The following RASD2 variants were observed in gnomAD, a reference collection of about 807,000 sequenced individuals.
RASD2 encodes the protein RASD family member 2, also known as GTP-binding protein Rhes.
A neutral mutation model predicts 15.8 loss-of-function variants in RASD2; 7 were observed. The ratio of observed to expected loss-of-function variants is 0.44; its 90% CI spans 0.25 to 0.83. The LOEUF (loss-of-function observed/expected upper bound fraction) is 0.83. Among genes scored for constraint, RASD2 ranks in the 40% least tolerant of loss-of-function variants. The pLI is 0.20. For missense variants in RASD2, 274 were observed against 382.8 expected, an observed-to-expected ratio of 0.72 and a Z score of 2.37; for synonymous variants, 155 against 153.6, an observed-to-expected ratio of 1.01 and a Z score of -0.07.
chr22:35,533,705 G>C, the RASD2 span, among the ~76,000 whole-genome samples: 3 of 16,022 alleles, frequency 1.9e-4, 1 homozygote, highest in South Asian at 4.7e-3. Flanking sequence ...TGATGATGGT[G>C]ATGATGGTGA....
At chr22:35,533,219 G>GC in the RASD2 span, among the ~76,000 whole-genome samples, 1 of 152,220 alleles carries the variant, frequency 6.6e-6, no homozygotes, top group Non-Finnish European at 1.5e-5. Context: ...AACCTTTGCT[G>GC]CTTCAGCTTC....
At chr22:35,543,634 C>T (rs747089895) in intron 1 of RASD2, among the ~76,000 whole-genome samples, 10 of 152,220 alleles carry the variant, frequency 6.6e-5, no homozygotes, top group Non-Finnish European at 1.3e-4. Flanking sequence ...GGCACTGTCC[C>T]CTGGCGTCCA....
chr22:35,540,336 G>C (rs1350604539), upstream of RASD2, among the ~76,000 whole-genome samples: 1 of 150,728 alleles, frequency 6.6e-6, no homozygotes, highest in South Asian at 2.1e-4. Flanking sequence ...AGCGGCCCCG[G>C]CCCCACGCGC....
chr22:35,545,251 C>T (rs116541712), intron 1 of RASD2, among the ~76,000 whole-genome samples: 1,636 of 152,272 alleles, frequency 0.011, 33 homozygotes, highest in African/African-American at 0.037. Context: ...GGCAATCTCT[C>T]CACCTCCAGT....
At position 35,541,382 on chromosome 22, in the gene RASD2, G is replaced by C. The variant is rs1362145712; in HGVS notation, c.-128G>C. On this transcript the variant is annotated 5_prime_UTR_variant, in exon 1 of 3. Transcript: ENST00000216127. ...GGGGAGGATCCCCGCGCAGTGACCCGGGAGCCACCACAGACTCTGGGAGGC... is the reference window on the plus strand; with the variant it reads ...GGGGAGGATCCCCGCGCAGTGACCCCGGAGCCACCACAGACTCTGGGAGGC... 1 of 152,390 alleles carries C rather than the reference G, an allele frequency of 6.6e-6. No individual in the cohort carries two copies. The highest frequency in any genetic ancestry group is 2.1e-4 in the South Asian group (1 of 4,832). 9.4% of individuals were successfully genotyped at this position (152,390 alleles called of 1,614,324 possible).
Position 35,552,655 on chromosome 22 carries a change from G to GCCCAC in RASD2, c.*625_*629dup, listed in dbSNP as rs1301355492. On this transcript the variant is annotated 3_prime_UTR_variant, in exon 3 of 3. Transcript: ENST00000216127. ...AGACCACGCCCACCACTTAGACCAC[G>GCCCAC]CCCACCTCCTGACCGCGTTCCTCAG... is the stretch of plus-strand genomic sequence containing the variant. 7 of 153,030 alleles carry GCCCAC rather than the reference G, an allele frequency of 4.6e-5. No individual in the cohort carries two copies. Among genetic ancestry groups the GCCCAC allele is most frequent in the Non-Finnish European group, 1.0e-4 (7 of 68,468 alleles). 9.5% of individuals were successfully genotyped at this position (153,030 alleles called of 1,614,324 possible). A position where few individuals can be genotyped will look rare whatever the true frequency, so the allele number is the denominator to read the frequency against.
Position 35,553,665 on chromosome 22 carries a change from C to T in RASD2, c.*1633C>T, listed in dbSNP as rs1416471029. 1 of 152,198 alleles carries T rather than the reference C, an allele frequency of 6.6e-6. No homozygotes were observed. The highest frequency in any genetic ancestry group is 1.5e-5 in the Non-Finnish European group (1 of 68,072). 9.4% of individuals were successfully genotyped at this position (152,198 alleles called of 1,614,324 possible). On this transcript the variant is annotated 3_prime_UTR_variant, in exon 3 of 3. Coordinates refer to ENST00000216127, the MANE Select transcript of RASD2 (RefSeq NM_014310.4). ...GCTTTGGGACATCTTGTCCTCAACC[C>T]TCTCCCTAGATCAGTCTGTGAGGGT...
upstream of RASD2, among the ~76,000 whole-genome samples, chr22:35,540,530 G>C (rs901091481): frequency 6.6e-6 from 1 of 151,362 alleles, no homozygotes; most frequent in South Asian, 2.1e-4. Flanking sequence ...CGCGGCTCGC[G>C]GGGGGCCGAA....
intron 1 of RASD2, among the ~76,000 whole-genome samples, chr22:35,542,971 T>A (rs1472051239): frequency 1.3e-5 from 2 of 152,150 alleles, no homozygotes; most frequent in Non-Finnish European, 2.9e-5. Flanking sequence ...AGCTGAGGCT[T>A]CACTGAGACA....
chr22:35,546,558 G>A (rs1380036611), intron 1 of RASD2, among the ~76,000 whole-genome samples: 4 of 152,176 alleles, frequency 2.6e-5, no homozygotes, highest in East Asian at 1.9e-4. Context: ...CCAGGAGTCC[G>A]GTGCTTGCAT....
chr22:35,534,364 GCT>G, the RASD2 span, among the ~76,000 whole-genome samples: 1 of 152,218 alleles, frequency 6.6e-6, no homozygotes, highest in African/African-American at 2.4e-5. Context: ...CTTAGTTCAA[GCT>G]CTGTTATTTC....
In RASD2 at chr22:35,551,976, G is replaced by T. The variant is rs1479820964; in HGVS notation, c.745G>T (p.Ala249Ser). The change falls in exon 3 of 3, where the codon GCC becomes TCC. Residue 249 changes from alanine (A) to serine (S), a missense_variant. Transcript: ENST00000216127. The surrounding 1 kb of genome is among the most constrained non-coding windows in gnomAD (Gnocchi z 4.9). ...CAACAGTGACCTCAAGTACATCAAGGCCAAGGTCCTTCGGGAAGGCCAGGC... is the reference window on the plus strand; with the variant it reads ...CAACAGTGACCTCAAGTACATCAAGTCCAAGGTCCTTCGGGAAGGCCAGGC... ...SVNSDLKYIK[A>S]KVLREGQARE... 6.2e-7 allele frequency: 1 copy of T among 1,602,574 alleles called. No individual in the cohort carries two copies.
At chr22:35,535,948 G>A (rs1332613342), upstream of RASD2, among the ~76,000 whole-genome samples, 1 of 152,190 alleles carries the variant, frequency 6.6e-6, no homozygotes, top group African/African-American at 2.4e-5. Flanking sequence ...ATGGTCAGAT[G>A]CACCGGGGGC....
At position 35,551,394 on chromosome 22, in the gene RASD2, C is replaced by T; in HGVS notation, c.272-109C>T. ...TTAAAGCAGTTATGCCGCATAACTGCTTCAGGGCACCTGTGACTCCCAGCT... is the reference window on the plus strand; with the variant it reads ...TTAAAGCAGTTATGCCGCATAACTGTTTCAGGGCACCTGTGACTCCCAGCT... On this transcript the variant is annotated intron_variant, in intron 2 of 2. Coordinates refer to ENST00000216127, the MANE Select transcript of RASD2 (RefSeq NM_014310.4). This position sits in a 1 kb window ranked among gnomAD's most constrained non-coding sequence, Gnocchi z 4.9. The T allele has an allele frequency of 8.8e-7, 1 of 1,139,812 alleles. No individual in the cohort carries two copies. The allele number at this position is 1,139,812 out of a possible 1,614,324, so 70.6% of individuals were successfully genotyped here. A position where few individuals can be genotyped will look rare whatever the true frequency, so the allele number is the denominator to read the frequency against.
chr22:35,534,033 T>C, the RASD2 span, among the ~76,000 whole-genome samples: 3 of 152,006 alleles, frequency 2.0e-5, no homozygotes. Flanking sequence ...GATGATGACA[T>C]TAGAAAGAGG....
intron 2 of RASD2, among the ~76,000 whole-genome samples, chr22:35,549,458 C>T (rs188173132): frequency 3.2e-4 from 48 of 152,308 alleles, no homozygotes; most frequent in African/African-American, 1.1e-3. Context: ...CCAGACGGGC[C>T]GATCTCTGAT....
the RASD2 span, among the ~76,000 whole-genome samples, chr22:35,533,733 G>C: frequency 6.7e-6 from 1 of 149,188 alleles, no homozygotes; most frequent in Non-Finnish European, 1.5e-5. Flanking sequence ...GATGATGATA[G>C]TGATGATGGG....
chr22:35,542,679 G>A (rs1230346368), intron 1 of RASD2, among the ~76,000 whole-genome samples: 1 of 152,230 alleles, frequency 6.6e-6, no homozygotes, highest in African/African-American at 2.4e-5. Flanking sequence ...GTGTGGAGGA[G>A]GGGCAGTGCA....
chr22:35,547,187 C>T (rs1300523669), intron 2 of RASD2, 107 bp downstream of exon 2: 10 of 1,321,586 alleles, frequency 7.6e-6, no homozygotes, highest in African/African-American at 2.9e-5. Context: ...TCGTCTGAGA[C>T]AGGCGTCATC....
Sources: allele counts gnomAD v4.1 joint callset (sites outside exome capture counted in the v4.1 genomes callset), GRCh38; gene constraint gnomAD v4.1.1; non-coding constraint Gnocchi (gnomAD v3.1); transcripts MANE v1.5; gene names NCBI Gene and HGNC (gene_info 2026-07-23, HGNC 2026-07-21).